The following CFAP299 variants were observed in gnomAD, a reference collection of about 807,000 sequenced individuals.
CFAP299 encodes cilia- and flagella-associated protein 299.
CFAP299 carries 21 observed loss-of-function variants against 27.0 expected under a neutral mutation model. That is an observed-to-expected ratio of 0.78 (90% CI 0.55 to 1.12). The LOEUF is 1.12. CFAP299 is among the 50% of genes most tolerant of loss of function. The pLI, the probability that CFAP299 is intolerant of heterozygous loss-of-function variation, is 0.00. For synonymous variants in CFAP299, 104 were observed against 98.1 expected (o/e 1.06, Z -0.36); for missense variants, 310 against 276.6 (o/e 1.12, Z -0.86).
upstream of CFAP299, among the ~76,000 whole-genome samples, chr4:80,332,772 C>A (rs1272217270): frequency 6.6e-6 from 1 of 152,132 alleles, no homozygotes; most frequent in African/African-American, 2.4e-5. Context: ...ACTGGCAGCT[C>A]CACATTTATT....
intron 4 of CFAP299, among the ~76,000 whole-genome samples, chr4:80,902,159 T>G (rs796159015): frequency 1.5e-4 from 23 of 151,802 alleles, no homozygotes; most frequent in African/African-American, 5.6e-4. Context: ...AATCTGAACA[T>G]TTTTCCTATT....
At position 80,443,596 on chromosome 4, in the gene CFAP299, A is replaced by T. The variant is rs2110089001; in HGVS notation, c.242+80712A>T. On this transcript the variant is annotated intron_variant, in intron 2 of 5. Transcript: ENST00000358105. ...ATCATACTGAATGGGCAAAAGCGGG[A>T]AACATTTCCTTTGAAAACCGGCACA... Among the ~76,000 whole-genome samples the T allele has an allele frequency of 2.6e-5, 4 of 152,320 alleles. No individual in the cohort carries two copies. The South Asian group carries it at 8.3e-4, about 32-fold the overall frequency.
At chr4:80,478,106 ATTAT>A (rs1167331522) in intron 2 of CFAP299, among the ~76,000 whole-genome samples, 1 of 152,190 alleles carries the variant, frequency 6.6e-6, no homozygotes, top group East Asian at 1.9e-4. Context: ...TTCCTCATAT[ATTAT>A]TTAAGTTTAC....
At chr4:80,900,454 A>G (rs1053838565) in intron 4 of CFAP299, among the ~76,000 whole-genome samples, 18 of 152,298 alleles carry the variant, frequency 1.2e-4, no homozygotes, top group African/African-American at 4.3e-4. Context: ...GCATGTGTTA[A>G]AGCAAATAAT....
chr4:80,665,795 T>C (rs1350378201), intron 3 of CFAP299, among the ~76,000 whole-genome samples: 1 of 152,148 alleles, frequency 6.6e-6, no homozygotes, highest in Non-Finnish European at 1.5e-5. Flanking sequence ...TCATGAATGG[T>C]TCAGTACAAT....
intron 4 of CFAP299, among the ~76,000 whole-genome samples, chr4:80,892,199 A>T (rs1304941897): frequency 6.6e-6 from 1 of 152,080 alleles, no homozygotes; most frequent in African/African-American, 2.4e-5. Flanking sequence ...CCGGAGACAA[A>T]TCCCCACACC....
At chr4:80,786,764 G>T (rs1001498616) in intron 3 of CFAP299, among the ~76,000 whole-genome samples, 2 of 152,040 alleles carry the variant, frequency 1.3e-5, no homozygotes, top group Non-Finnish European at 2.9e-5. Context: ...GCCACTGGAG[G>T]CCCCAGAGTT....
At chr4:80,938,004 T>G (rs1206826085) in intron 4 of CFAP299, among the ~76,000 whole-genome samples, 1 of 152,230 alleles carries the variant, frequency 6.6e-6, no homozygotes, top group Non-Finnish European at 1.5e-5. Flanking sequence ...CACAAACAAA[T>G]TCTACACTTT....
chr4:80,945,840 T>C lies in CFAP299; in HGVS notation c.606+901T>C, dbSNP rs532456988. On this transcript the variant is annotated intron_variant, in intron 5 of 5. Transcript: ENST00000358105. ...CAGTCTGTATTTCATATCCACTTAG[T>C]ACAGTTCCTTGCACATAAAAAATGC... 4.6e-4 allele frequency among the ~76,000 whole-genome samples: 70 copies of C among 152,174 alleles called. 1 individual carries two copies. The highest frequency in any genetic ancestry group is 1.5e-3 in the African/African-American group (64 of 41,548).
chr4:80,856,597 G>A (rs1178437714), intron 3 of CFAP299, among the ~76,000 whole-genome samples: 1 of 151,858 alleles, frequency 6.6e-6, no homozygotes, highest in Non-Finnish European at 1.5e-5. Context: ...GTAAGGAAGG[G>A]ATCGAGTTTC....
chr4:80,375,404 G>A (rs1724355599), intron 2 of CFAP299, among the ~76,000 whole-genome samples: 1 of 152,116 alleles, frequency 6.6e-6, no homozygotes, highest in Non-Finnish European at 1.5e-5. Context: ...CTTACCACAT[G>A]TGAATCTTTT....
chr4:80,552,129 C>T (rs945646384), intron 2 of CFAP299, among the ~76,000 whole-genome samples: 37 of 152,226 alleles, frequency 2.4e-4, no homozygotes, highest in Middle Eastern at 3.4e-3. Flanking sequence ...TGTTTAAATA[C>T]AAATGGTCAA....
intron 3 of CFAP299, among the ~76,000 whole-genome samples, chr4:80,815,155 G>C (rs1444175281): frequency 6.6e-6 from 1 of 151,774 alleles, no homozygotes; most frequent in African/African-American, 2.4e-5. Context: ...TGGAAAATAT[G>C]AAAGAAAAGC....
rs188291107 is a variant in CFAP299, at chr4:80,926,581, C to G, written c.477-18229C>G. Reference sequence around the variant, plus strand: ...AAGATGCATGGAGAAGGAGAGGGAACAACCTAGGATAATCCACATTTCTAG... The same window carrying G: ...AAGATGCATGGAGAAGGAGAGGGAAGAACCTAGGATAATCCACATTTCTAG... On this transcript the variant is annotated intron_variant, in intron 4 of 5. Coordinates refer to ENST00000358105, the MANE Select transcript of CFAP299 (RefSeq NM_152770.3). Among the ~76,000 whole-genome samples the G allele has an allele frequency of 1.3e-3, 198 of 152,048 alleles. 1 individual carries two copies. Among genetic ancestry groups the G allele is most frequent in the Non-Finnish European group, 2.2e-3 (150 of 67,954 alleles).
At chr4:80,959,828 A>C (rs1030412481) in intron 5 of CFAP299, among the ~76,000 whole-genome samples, 2 of 151,952 alleles carry the variant, frequency 1.3e-5, no homozygotes, top group Non-Finnish European at 2.9e-5. Flanking sequence ...ATCAGAAAAA[A>C]ATAATAGAGG....
intron 2 of CFAP299, among the ~76,000 whole-genome samples, chr4:80,474,558 T>TA (rs945539937): frequency 2.0e-5 from 3 of 152,226 alleles, no homozygotes; most frequent in African/African-American, 7.2e-5. Flanking sequence ...GATACTTTGA[T>TA]AAACAATTTA....
At chr4:80,866,081 A>ATATATATATATATATATG (rs1313817923) in intron 3 of CFAP299, among the ~76,000 whole-genome samples, 55 of 122,550 alleles carry the variant, frequency 4.5e-4, no homozygotes, top group African/African-American at 1.6e-3. Flanking sequence ...ATATATATAT[A>ATATATATATATATATATG]TATATATATA....
intron 3 of CFAP299, among the ~76,000 whole-genome samples, chr4:80,674,210 A>G (rs1437459244): frequency 1.3e-5 from 2 of 152,164 alleles, no homozygotes; most frequent in African/African-American, 4.8e-5. Flanking sequence ...CTTTTAGGGC[A>G]GGCCTGGTGG....
At chr4:80,853,294 G>A (rs914123693) in intron 3 of CFAP299, among the ~76,000 whole-genome samples, 5 of 152,160 alleles carry the variant, frequency 3.3e-5, no homozygotes, top group African/African-American at 7.2e-5. Flanking sequence ...ACCTCCCAAA[G>A]TGCTGGGATT....
Sources: allele counts gnomAD v4.1 joint callset (sites outside exome capture counted in the v4.1 genomes callset), GRCh38; gene constraint gnomAD v4.1.1; transcripts MANE v1.5; gene names NCBI Gene and HGNC (gene_info 2026-07-23, HGNC 2026-07-21).